Variants in KIF16B observed in about 807,000 individuals in gnomAD.
The protein encoded by KIF16B is kinesin family member 16B, also known as kinesin-like protein KIF16B.
Under a neutral mutation model 156.3 loss-of-function variants are expected in KIF16B, and 98 were observed. The observed-to-expected ratio is 0.63, with a 90% confidence interval of 0.53 to 0.74. The LOEUF (loss-of-function observed/expected upper bound fraction) is 0.74, where lower values mean the gene tolerates loss of function less well. Among genes scored for constraint, KIF16B ranks in the 30% least tolerant of loss-of-function variants. The probability of loss-of-function intolerance (pLI) is 0.00; values close to 1 mark genes in which losing one functional copy is unlikely to be tolerated. For synonymous variants in KIF16B, 564 were observed against 583.7 expected (o/e 0.97, Z 0.49); for missense variants, 1,421 against 1,606.5 (o/e 0.88, Z 1.97).
intron 25 of KIF16B, among the ~76,000 whole-genome samples, chr20:16,305,144 TAAAAG>T (rs1453126547): frequency 5.9e-5 from 9 of 151,932 alleles, no homozygotes; most frequent in African/African-American, 1.9e-4. Context: ...GCGAGAAAAA[TAAAAG>T]AAAAGCAGTT....
chr20:16,370,401 AG>A (rs1204769053), intron 22 of KIF16B, among the ~76,000 whole-genome samples, 184 bp downstream of exon 22: 4 of 152,232 alleles, frequency 2.6e-5, no homozygotes, highest in African/African-American at 9.6e-5. Context: ...ATAAAGTCAA[AG>A]CAGTTTCAAA....
chr20:16,512,232 A>G (rs114036344), intron 5 of KIF16B, among the ~76,000 whole-genome samples: 236 of 152,300 alleles, frequency 1.5e-3, no homozygotes, highest in African/African-American at 5.4e-3. Flanking sequence ...GAATCTCCAC[A>G]ATACCCAGAG....
intron 12 of KIF16B, among the ~76,000 whole-genome samples, chr20:16,442,466 T>C (rs2066829657): frequency 6.6e-6 from 1 of 151,294 alleles, no homozygotes; most frequent in Non-Finnish European, 1.5e-5. Flanking sequence ...ACATCAATTT[T>C]AAAAATAAAT....
At chr20:16,308,203 T>C (rs1013406009) in intron 25 of KIF16B, among the ~76,000 whole-genome samples, 1 of 152,180 alleles carries the variant, frequency 6.6e-6, no homozygotes, top group African/African-American at 2.4e-5. Flanking sequence ...CATCTTTCCT[T>C]AAACAACGAA....
intron 12 of KIF16B, among the ~76,000 whole-genome samples, chr20:16,475,776 A>C (rs2067792976): frequency 6.6e-6 from 1 of 152,254 alleles, no homozygotes; most frequent in African/African-American, 2.4e-5. Context: ...AAGCTTTCTA[A>C]TAGCAAGCTA....
intron 12 of KIF16B, among the ~76,000 whole-genome samples, chr20:16,475,357 AG>A (rs1314972972): frequency 6.7e-6 from 1 of 149,268 alleles, no homozygotes; most frequent in Admixed American, 6.7e-5. Flanking sequence ...AAGTCACCCA[AG>A]GTCATACAGC....
At chr20:16,475,008 G>A (rs937944775) in intron 12 of KIF16B, among the ~76,000 whole-genome samples, 3 of 152,198 alleles carry the variant, frequency 2.0e-5, no homozygotes, top group South Asian at 2.1e-4. Context: ...CACCAAGCAA[G>A]TGTTCGATAA....
chr20:16,515,330 C>T (rs962735550), intron 4 of KIF16B, among the ~76,000 whole-genome samples: 2 of 152,118 alleles, frequency 1.3e-5, no homozygotes, highest in Admixed American at 6.5e-5. Flanking sequence ...TGAGCAGGGA[C>T]TTGCATCCAT....
chr20:16,570,522 G>A (rs1180149386), intron 1 of KIF16B, among the ~76,000 whole-genome samples: 1 of 152,072 alleles, frequency 6.6e-6, no homozygotes, highest in Non-Finnish European at 1.5e-5. Context: ...GTAAAAAAAT[G>A]GCATTTTATC....
intron 1 of KIF16B, among the ~76,000 whole-genome samples, chr20:16,560,784 C>CA (rs141360491): frequency 2.0e-4 from 30 of 148,628 alleles, no homozygotes; most frequent in African/African-American, 5.4e-4. Flanking sequence ...GATATTATCT[C>CA]AAAAAAAAAG....
At chr20:16,391,745 G>A (rs1317703562) in intron 17 of KIF16B, among the ~76,000 whole-genome samples, 1 of 152,168 alleles carries the variant, frequency 6.6e-6, no homozygotes, top group African/African-American at 2.4e-5. Flanking sequence ...AAGAATCATG[G>A]CCCAAGAGGG....
chr20:16,508,244 T>C, intron 6 of KIF16B, 144 bp from the exon 7 acceptor site: 1 of 907,528 alleles, frequency 1.1e-6, no homozygotes, highest in South Asian at 1.6e-5. Context: ...GGTGGTGGTA[T>C]GTAATGCAGA....
intron 14 of KIF16B, among the ~76,000 whole-genome samples, 165 bp downstream of exon 14, chr20:16,428,788 A>G (rs1184484189): frequency 6.6e-6 from 1 of 152,192 alleles, no homozygotes; most frequent in Non-Finnish European, 1.5e-5. Flanking sequence ...CTAAATTACA[A>G]AAATATATAT....
At chr20:16,491,643 T>C (rs1025563277) in intron 12 of KIF16B, among the ~76,000 whole-genome samples, 1 of 152,180 alleles carries the variant, frequency 6.6e-6, no homozygotes, top group African/African-American at 2.4e-5. Context: ...ATGAGTGCCA[T>C]GACCCAGTGA....
intron 1 of KIF16B, among the ~76,000 whole-genome samples, chr20:16,548,711 G>T (rs924838323): frequency 1.3e-5 from 2 of 152,118 alleles, no homozygotes; most frequent in African/African-American, 4.8e-5. Flanking sequence ...CCGGTCCCTG[G>T]TGCCAAGAAG....
chr20:16,508,169 T>A (rs566574037), intron 6 of KIF16B, 69 bp from the exon 7 acceptor site: 119 of 1,544,044 alleles, frequency 7.7e-5, no homozygotes, highest in Non-Finnish European at 8.5e-5. Context: ...AAAATTACCC[T>A]CTATGAAATA....
intron 15 of KIF16B, among the ~76,000 whole-genome samples, chr20:16,420,061 C>T (rs758183128): frequency 9.2e-5 from 14 of 152,028 alleles, no homozygotes; most frequent in Admixed American, 3.3e-4. Flanking sequence ...GGAGAATACA[C>T]CAATTGAAGA....
At chr20:16,351,672 A>G (rs1032631099) in intron 23 of KIF16B, among the ~76,000 whole-genome samples, 1 of 152,178 alleles carries the variant, frequency 6.6e-6, no homozygotes, top group South Asian at 2.1e-4. Flanking sequence ...TATCTCTGCC[A>G]CCAGTCAGCA....
intron 23 of KIF16B, among the ~76,000 whole-genome samples, chr20:16,349,671 G>A (rs751234383): frequency 2.6e-5 from 4 of 152,180 alleles, no homozygotes; most frequent in Admixed American, 2.0e-4. Context: ...CTGCTGCCTC[G>A]GGTTAATATT....
Sources: gnomAD v4.1 joint callset for allele counts (sites outside exome capture counted in the v4.1 genomes callset) on GRCh38, gnomAD v4.1.1 for gene constraint, MANE v1.5 for transcripts, NCBI Gene and HGNC (gene_info 2026-07-23, HGNC 2026-07-21) for gene names.